PCYT1B: variants seen among roughly 807,000 people sequenced by gnomAD.
PCYT1B encodes the protein phosphate cytidylyltransferase 1B, choline.
Under a neutral mutation model 26.4 loss-of-function variants are expected in PCYT1B, and 10 were observed. That is an observed-to-expected ratio of 0.38 (90% CI 0.23 to 0.64). The LOEUF is 0.64. PCYT1B is among the 30% of genes least tolerant of loss of function. The probability of loss-of-function intolerance (pLI) is 0.56; values close to 1 mark genes in which losing one functional copy is unlikely to be tolerated. For synonymous variants in PCYT1B, 131 were observed against 108.4 expected, an observed-to-expected ratio of 1.21 and a Z score of -1.29; for missense variants, 161 against 292.7, an observed-to-expected ratio of 0.55 and a Z score of 3.28.
At chrX:24,625,273 T>G (rs2148258889) in intron 1 of PCYT1B, among the ~76,000 whole-genome samples, 1 of 112,568 alleles carries the variant, frequency 8.9e-6, no homozygotes, top group East Asian at 2.8e-4. Context: ...TCACAAAATC[T>G]AATCCAGCAG....
intron 6 of PCYT1B, among the ~76,000 whole-genome samples, chrX:24,575,915 A>C (rs757512862): frequency 4.4e-5 from 5 of 112,364 alleles, no homozygotes; most frequent in Non-Finnish European, 9.4e-5. Context: ...CTCTAGACTC[A>C]GATTTTGTTC....
rs1414078437 is a variant in PCYT1B at position 24,618,663 on chromosome X, G to A, written c.217+322C>T. Among the ~76,000 whole-genome samples, 3 of 108,729 alleles carry A rather than the reference G, an allele frequency of 2.8e-5. No individual in the cohort carries two copies. In the East Asian group the frequency reaches 8.6e-4, roughly 31 times the overall value. 94.4% of individuals were successfully genotyped at this position (108,729 alleles called of 115,157 possible). The stretch of plus-strand genomic sequence containing the variant: ...GATGGAGTCTTGCTCTGTTGCCCAG[G>A]CTGGAGTGCAGTGGCGCAATCTCGG... On this transcript the variant is annotated intron_variant, in intron 2 of 7. Transcript: ENST00000379144.
intron 7 of PCYT1B, among the ~76,000 whole-genome samples, chrX:24,563,042 C>T (rs1263280240): frequency 9.0e-6 from 1 of 111,603 alleles, no homozygotes; most frequent in African/African-American, 3.3e-5. Context: ...TGGTTCTTAA[C>T]ACTCTTTCCT....
At chrX:24,613,048 A>G (rs1273976145) in intron 2 of PCYT1B, among the ~76,000 whole-genome samples, 1 of 111,864 alleles carries the variant, frequency 8.9e-6, no homozygotes, top group East Asian at 2.8e-4. Context: ...CATTTCATGG[A>G]TGGGCAAATG....
At position 24,631,576 on chromosome X, in the gene PCYT1B, G is replaced by T. The variant is rs188520125; in HGVS notation, c.118-12492C>A. On this transcript the variant is annotated intron_variant, in intron 1 of 7. Coordinates refer to ENST00000379144, the MANE Select transcript of PCYT1B (RefSeq NM_004845.5). ...GGGCTACTGTCCGTGAAGCATTTTC[G>T]CATTCTCCTCATATCTGTGTGGGTT... Among the ~76,000 whole-genome samples the T allele has an allele frequency of 4.2e-4, 47 of 111,968 alleles. 1 individual carries two copies. In the Admixed American group the frequency reaches 4.3e-3, roughly 10 times the overall value.
At chrX:24,647,645 T>G (rs1427991725), upstream of PCYT1B, among the ~76,000 whole-genome samples, 1 of 112,366 alleles carries the variant, frequency 8.9e-6, no homozygotes, top group East Asian at 2.8e-4. Flanking sequence ...ACCATGTCCC[T>G]GGGATGAGCT....
At position 24,620,614 on chromosome X, in the gene PCYT1B, G is replaced by A. The variant is rs145345799; in HGVS notation, c.118-1530C>T. Among the ~76,000 whole-genome samples the A allele has an allele frequency of 9.8e-5, 11 of 112,103 alleles. No homozygotes were observed. In the East Asian group the frequency reaches 1.4e-3, roughly 14 times the overall value. Reference sequence around the variant, plus strand: ...CAAAAACTCTGTATCCACAAACCCCGGGTTCAGATCCCCTCTCCAGCACTT... The same window carrying A: ...CAAAAACTCTGTATCCACAAACCCCAGGTTCAGATCCCCTCTCCAGCACTT... On this transcript the variant is annotated intron_variant, in intron 1 of 7. Transcript: ENST00000379144.
At chrX:24,587,350 A>T in intron 4 of PCYT1B, 31 bp from the exon 5 acceptor site, 1 of 982,301 alleles carries the variant, frequency 1.0e-6, no homozygotes, top group Non-Finnish European at 1.5e-6. Context: ...TGATGTCACC[A>T]CTGGGATGGA....
intron 3 of PCYT1B, among the ~76,000 whole-genome samples, chrX:24,592,773 TC>T (rs1472358634): frequency 1.8e-5 from 2 of 111,530 alleles, no homozygotes; most frequent in African/African-American, 6.5e-5. Flanking sequence ...GTATCCCAGC[TC>T]CCCGGCCTTG....
At chrX:24,652,057 C>T (rs1173047261), upstream of PCYT1B, among the ~76,000 whole-genome samples, 1 of 111,760 alleles carries the variant, frequency 8.9e-6, no homozygotes, top group Admixed American at 9.5e-5. Flanking sequence ...GTAGGCTGTT[C>T]AGAAAAGTCC....
chrX:24,638,010 T>C (rs996766527), intron 1 of PCYT1B, among the ~76,000 whole-genome samples: 4 of 111,202 alleles, frequency 3.6e-5, no homozygotes, highest in Non-Finnish European at 5.7e-5. Flanking sequence ...CACAGAAGCC[T>C]GCATGTACCA....
chrX:24,651,704 G>C (rs1342095706), upstream of PCYT1B, among the ~76,000 whole-genome samples: 1 of 104,598 alleles, frequency 9.6e-6, no homozygotes, highest in African/African-American at 3.5e-5. Flanking sequence ...TTGTAGAGAT[G>C]GTGTTTCACC....
Position 24,647,248 on chromosome X carries a change from G to T in PCYT1B, c.-143C>A. ...CTCCCCTTCTTTCTGTCTTCCCTAG[G>T]GGAAGTAAAGAGGTTACCCCCCGCC... On this transcript the variant is annotated 5_prime_UTR_variant, in exon 1 of 8. Transcript: ENST00000379144. The T allele has an allele frequency of 9.8e-7, 1 of 1,018,849 alleles. No homozygotes were observed. The highest frequency in any genetic ancestry group is 2.8e-5 in the South Asian group (1 of 36,105). The allele number at this position is 1,018,849 out of a possible 1,213,427, so 84.0% of individuals were successfully genotyped here. A position where few individuals can be genotyped will look rare whatever the true frequency, so the allele number is the denominator to read the frequency against.
intron 2 of PCYT1B, among the ~76,000 whole-genome samples, chrX:24,610,817 T>C (rs1925285180): frequency 9.0e-6 from 1 of 110,562 alleles, no homozygotes; most frequent in Admixed American, 9.7e-5. Context: ...TTTCATCTCT[T>C]CAACAAATAA....
rs1480014813 is a variant in PCYT1B at position 24,558,092 on chromosome X, T to G, written c.*4201A>C. 3 of 112,188 alleles carry G rather than the reference T, an allele frequency of 2.7e-5. No homozygotes were observed. The Admixed American group carries it at 2.8e-4, about 11-fold the overall frequency. The allele number at this position is 112,188 out of a possible 1,213,427, so 9.2% of individuals were successfully genotyped here. A position where few individuals can be genotyped will look rare whatever the true frequency, so the allele number is the denominator to read the frequency against. ...ATGACAATGACACACGAAAGTGCAA[T>G]TCTGCATCCCTTTATTTATAAACGA... On this transcript the variant is annotated 3_prime_UTR_variant, in exon 8 of 8. Transcript: ENST00000379144.
At chrX:24,658,506 C>CTTTT (rs1203809740) in intron 1 of PCYT1B, among the ~76,000 whole-genome samples, 27 of 58,824 alleles carry the variant, frequency 4.6e-4, no homozygotes, top group East Asian at 6.1e-4. Context: ...TGTTTCATTG[C>CTTTT]TTTTTTTTTT....
chrX:24,589,910 C>A lies in PCYT1B; in HGVS notation c.486+113G>T, dbSNP rs775485013. On this transcript the variant is annotated intron_variant, in intron 4 of 7. Transcript: ENST00000379144. Reference sequence around the variant, plus strand: ...ATCAAGCAGTTCCACATGACAGTTCCTGAAGTTACCTCTTTTAGAAATTGA... The same window carrying A: ...ATCAAGCAGTTCCACATGACAGTTCATGAAGTTACCTCTTTTAGAAATTGA... The A allele has an allele frequency of 2.2e-3, 1,377 of 628,034 alleles. 2 individuals are homozygous for A. Among genetic ancestry groups the A allele is most frequent in the Non-Finnish European group, 2.8e-3 (1,182 of 415,663 alleles). The allele number at this position is 628,034 out of a possible 1,213,427, so 51.8% of individuals were successfully genotyped here. A position where few individuals can be genotyped will look rare whatever the true frequency, so the allele number is the denominator to read the frequency against.
intron 1 of PCYT1B, among the ~76,000 whole-genome samples, chrX:24,620,083 T>C (rs1925652493): frequency 8.9e-6 from 1 of 112,427 alleles, no homozygotes; most frequent in South Asian, 3.7e-4. Context: ...GCTGTATCAA[T>C]TGTTTCTTAG....
chrX:24,596,644 G>A (rs1225562543), intron 3 of PCYT1B, among the ~76,000 whole-genome samples: 1 of 108,974 alleles, frequency 9.2e-6, no homozygotes, highest in Non-Finnish European at 1.9e-5. Flanking sequence ...AAACCATGAC[G>A]ATTGTGGTGC....
Sources: gnomAD v4.1 joint callset for allele counts (sites outside exome capture counted in the v4.1 genomes callset) on GRCh38, gnomAD v4.1.1 for gene constraint, MANE v1.5 for transcripts, NCBI Gene and HGNC (gene_info 2026-07-23, HGNC 2026-07-21) for gene names.